USH2A: variants seen among roughly 807,000 people sequenced by gnomAD.
The protein encoded by USH2A is Usher syndrome 2A (autosomal recessive, mild).
In USH2A, 443 loss-of-function variants were observed where a neutral mutation model predicts 538.9. That is an observed-to-expected ratio of 0.82 (90% CI 0.76 to 0.89). The LOEUF is 0.89. Among genes scored for constraint, USH2A ranks in the 40% least tolerant of loss-of-function variants. The pLI is 0.00. For synonymous variants in USH2A, 2,413 were observed against 2,273.5 expected, an observed-to-expected ratio of 1.06 and a Z score of -1.75; for missense variants, 6,633 against 6,324.8, an observed-to-expected ratio of 1.05 and a Z score of -1.65.
Position 216,246,618 on chromosome 1 carries a change from G to T in USH2A, c.2776C>A (p.Arg926Ser), listed in dbSNP as rs749621457. Reference protein sequence around the residue: ...ISGQCLCVPNRQGRRCNQCQP... With the variant: ...ISGQCLCVPNSQGRRCNQCQP... Reference sequence around the variant, plus strand: ...CACTGATTACACCTTCTTCCTTGACGATTAGGCACACACAGGCACTGGCCA... The same window carrying T: ...CACTGATTACACCTTCTTCCTTGACTATTAGGCACACACAGGCACTGGCCA... Residue 926 changes from arginine (R) to serine (S), a missense_variant, in exon 13 of 72, where the codon CGT becomes AGT. Transcript: ENST00000307340. 4 of 1,614,004 alleles carry T rather than the reference G, an allele frequency of 2.5e-6. No homozygotes were observed. In the Admixed American group the frequency reaches 5.0e-5, roughly 20 times the overall value.
intron 52 of USH2A, among the ~76,000 whole-genome samples, chr1:215,784,398 T>C (rs1187671614): frequency 3.3e-5 from 5 of 152,198 alleles, no homozygotes; most frequent in Non-Finnish European, 5.9e-5. Flanking sequence ...CAAATTAAAC[T>C]ACTTATTGGT....
intron 4 of USH2A, among the ~76,000 whole-genome samples, chr1:216,353,057 A>G (rs2038315913): frequency 6.6e-6 from 1 of 152,054 alleles, no homozygotes; most frequent in African/African-American, 2.4e-5. Flanking sequence ...TGGTAGTGCC[A>G]AGATCATAGT....
At chr1:215,973,229 T>C (rs1191349599) in intron 35 of USH2A, among the ~76,000 whole-genome samples, 1 of 152,178 alleles carries the variant, frequency 6.6e-6, no homozygotes, top group Non-Finnish European at 1.5e-5. Flanking sequence ...ACAGAGAATG[T>C]CTTTTATGTT....
chr1:215,845,866 T>C lies in USH2A; in HGVS notation c.9013A>G (p.Ser3005Gly), dbSNP rs1663828412. The change falls in exon 45 of 72, where the codon AGC becomes GGC. Residue 3005 changes from serine (S) to glycine (G), a missense_variant. By Grantham distance (56) the Ser-to-Gly change is moderately conservative. Transcript: ENST00000307340. The part of the protein sequence containing the change: ...IFISVFNGVH[S>G]INSAGLHATT... ...GCATGAAGTCCTGCACTGTTGATGCTGTGGACTCCATTGAAGACAGAGATA... is the reference window on the plus strand; with the variant it reads ...GCATGAAGTCCTGCACTGTTGATGCCGTGGACTCCATTGAAGACAGAGATA... 1 of 1,613,792 alleles carries C rather than the reference T, an allele frequency of 6.2e-7. No homozygotes were observed. The highest frequency in any genetic ancestry group is 8.5e-7 in the Non-Finnish European group (1 of 1,179,918).
chr1:215,956,370 A>G (rs1225076811), intron 37 of USH2A, among the ~76,000 whole-genome samples: 2 of 152,218 alleles, frequency 1.3e-5, no homozygotes, highest in African/African-American at 4.8e-5. Context: ...AAATGGTGTG[A>G]GTATTTTTAA....
intron 47 of USH2A, among the ~76,000 whole-genome samples, chr1:215,826,095 A>G (rs979515926): frequency 3.9e-5 from 6 of 152,220 alleles, no homozygotes; most frequent in African/African-American, 1.4e-4. Flanking sequence ...GGTTAAGCCT[A>G]GAATACCACA....
At chr1:216,308,591 T>C (rs1245090345) in intron 9 of USH2A, among the ~76,000 whole-genome samples, 1 of 152,220 alleles carries the variant, frequency 6.6e-6, no homozygotes, top group Non-Finnish European at 1.5e-5. Context: ...GTCTTGCTAA[T>C]GACAACTGCT....
rs759416585 is a variant in USH2A at position 215,647,557 on chromosome 1, GCCGTACTGCC to G, written c.14746_14755del (p.Gly4916LeufsTer31). The G allele has an allele frequency of 6.2e-7, 1 of 1,614,124 alleles. No homozygotes were observed. Among genetic ancestry groups the G allele is most frequent in the South Asian group, 1.1e-5 (1 of 91,078 alleles). ...GGTGGTGAAACTGATCCACTCGGAA[GCCGTACTGCC>G]CACCTCGTTGTGTGCCACCACTCTC... On this transcript the variant is annotated frameshift_variant, in exon 67 of 72. Coordinates refer to ENST00000307340, the MANE Select transcript of USH2A (RefSeq NM_206933.4). LOFTEE classifies it high-confidence loss of function.
In USH2A at chr1:216,245,513, GAGAGAC is replaced by G. The variant is rs1174963334; in HGVS notation, c.2809+1066_2809+1071del. 1.2e-4 allele frequency among the ~76,000 whole-genome samples: 17 copies of G among 144,120 alleles called. No individual in the cohort carries two copies. The East Asian group carries it at 1.7e-3, about 15-fold the overall frequency. 94.5% of individuals were successfully genotyped at this position (144,120 alleles called of 152,430 possible). On this transcript the variant is annotated intron_variant, in intron 13 of 71. Coordinates refer to ENST00000307340, the MANE Select transcript of USH2A (RefSeq NM_206933.4). ...AGAGAGAGAGAGAGAGAGAGAGAGAGAGAGACAAATGAATATGTATCAGTGGAAGCA... is the reference window on the plus strand; with the variant it reads ...AGAGAGAGAGAGAGAGAGAGAGAGAGAAATGAATATGTATCAGTGGAAGCA...
chr1:216,332,007 A>G (rs115430189), intron 4 of USH2A, among the ~76,000 whole-genome samples: 232 of 152,288 alleles, frequency 1.5e-3, no homozygotes, highest in African/African-American at 5.1e-3. Flanking sequence ...GAATATTGGT[A>G]AGAACAACAT....
At position 216,246,758 on chromosome 1, in the gene USH2A, C is replaced by T. The variant is rs2036054988; in HGVS notation, c.2636G>A (p.Cys879Tyr). ...PCKLGVTGLR[C>Y]NQCEPHRYNL... ...GTACCTGTGAGGCTCACACTGATTA[C>T]AGCGAAGACCTGTTACCCCTAATTT... is the stretch of plus-strand genomic sequence containing the variant. Residue 879 changes from cysteine to tyrosine, a missense_variant, in exon 13 of 72, where the codon TGT (cysteine) becomes TAT (tyrosine). Coordinates refer to ENST00000307340, the MANE Select transcript of USH2A (RefSeq NM_206933.4). 1.2e-6 allele frequency: 2 copies of T among 1,614,012 alleles called. No individual in the cohort carries two copies. Among genetic ancestry groups the T allele is most frequent in the Non-Finnish European group, 1.7e-6 (2 of 1,179,990 alleles).
rs144634800 is a variant in USH2A at position 216,070,082 on chromosome 1, G to C, written c.6049+19C>G. The C allele has an allele frequency of 4.5e-5, 73 of 1,613,298 alleles. No homozygotes were observed. The East Asian group carries it at 1.6e-3, about 35-fold the overall frequency. On this transcript the variant is annotated intron_variant, in intron 30 of 71. Coordinates refer to ENST00000307340, the MANE Select transcript of USH2A (RefSeq NM_206933.4). ...AAAGGAAGTTAATAGGGTCTACTCT[G>C]TTAAAGGATTGCATTTACCTGTGAG... is the stretch of plus-strand genomic sequence containing the variant.
At chr1:215,771,504 C>A (rs1400205840) in intron 55 of USH2A, among the ~76,000 whole-genome samples, 3 of 138,180 alleles carry the variant, frequency 2.2e-5, no homozygotes, top group Non-Finnish European at 3.0e-5. Flanking sequence ...GGCGTGAACC[C>A]AGGAGGCGGA....
Position 215,648,657 on chromosome 1 carries a change from G to C in USH2A, c.14453C>G (p.Pro4818Arg). 1 of 1,614,148 alleles carries C rather than the reference G, an allele frequency of 6.2e-7. No homozygotes were observed. Among genetic ancestry groups the C allele is most frequent in the Non-Finnish European group, 8.5e-7 (1 of 1,180,034 alleles). ...CTCFNCCSKGPTAELRTHPAP... is the reference protein window; with the variant it reads ...CTCFNCCSKGRTAELRTHPAP... ...AGGATGGGTTCTCAGTTCAGCTGTC[G>C]GTCCTTTGCTGCAACAGTTGAAGCA... The change falls in exon 66 of 72, where the codon CCG becomes CGG. Residue 4818 changes from proline (P) to arginine (R), a missense_variant. Coordinates refer to ENST00000307340, the MANE Select transcript of USH2A (RefSeq NM_206933.4).
chr1:216,134,287 T>A (rs2033436388), intron 21 of USH2A, among the ~76,000 whole-genome samples: 1 of 152,102 alleles, frequency 6.6e-6, no homozygotes, highest in Non-Finnish European at 1.5e-5. Flanking sequence ...ATGTACAATT[T>A]GACTCAAGAG....
At chr1:216,084,510 T>C (rs1226014665) in intron 25 of USH2A, among the ~76,000 whole-genome samples, 188 bp downstream of exon 25, 3 of 152,160 alleles carry the variant, frequency 2.0e-5, no homozygotes, top group Non-Finnish European at 4.4e-5. Context: ...TGTATACTTA[T>C]GAGTCTTATA....
At chr1:216,340,536 CAAA>C (rs58985032) in intron 4 of USH2A, among the ~76,000 whole-genome samples, 4 of 119,894 alleles carry the variant, frequency 3.3e-5, no homozygotes, top group African/African-American at 1.2e-4. Flanking sequence ...AGAGACATGA[CAAA>C]AAAAAAAAAA....
chr1:215,927,264 C>T (rs1197428103), intron 38 of USH2A, among the ~76,000 whole-genome samples: 1 of 151,994 alleles, frequency 6.6e-6, no homozygotes. Context: ...TTACAAAAGC[C>T]TGAAAAATTC....
rs764038972 is a variant in USH2A at position 216,325,520 on chromosome 1, G to A, written c.928C>T (p.Arg310Trp). Reference protein sequence around the residue: ...SHCRCPGSHPRVHPLAQRYCI... With the variant: ...SHCRCPGSHPWVHPLAQRYCI... ...TACCGCTGTGCCAAAGGGTGGACCC[G>A]CGGGTGGCTGCCAGGGCAACGGCAA... The change falls in exon 6 of 72, where the codon CGG (arginine) becomes TGG (tryptophan). Residue 310 changes from arginine (R) to tryptophan (W), a missense_variant. By Grantham distance (101) the Arg-to-Trp change is moderately radical (BLOSUM62 -3). Coordinates refer to ENST00000307340, the MANE Select transcript of USH2A (RefSeq NM_206933.4). 9.3e-6 allele frequency: 15 copies of A among 1,613,660 alleles called. No homozygotes were observed. Among genetic ancestry groups the A allele is most frequent in the Non-Finnish European group, 9.3e-6 (11 of 1,179,778 alleles).
Sources: allele counts gnomAD v4.1 joint callset (sites outside exome capture counted in the v4.1 genomes callset), GRCh38; gene constraint gnomAD v4.1.1; transcripts MANE v1.5; gene names NCBI Gene and HGNC (gene_info 2026-07-23, HGNC 2026-07-21).